CSMD1: variants seen among roughly 807,000 people sequenced by gnomAD.
The protein encoded by CSMD1 is CUB and sushi domain-containing protein 1.
A neutral mutation model predicts 417.5 loss-of-function variants in CSMD1; 213 were observed. That is an observed-to-expected ratio of 0.51 (90% CI 0.46 to 0.57). The LOEUF (loss-of-function observed/expected upper bound fraction) is 0.57, where lower values mean the gene tolerates loss of function less well. Among genes scored for constraint, CSMD1 ranks in the 20% least tolerant of loss-of-function variants. The pLI is 0.00. For synonymous variants in CSMD1, 2,862 were observed against 1,736.8 expected (o/e 1.65, Z -16.11); for missense variants, 6,923 against 4,529.7 (o/e 1.53, Z -15.17).
intron 25 of CSMD1, among the ~76,000 whole-genome samples, chr8:3,296,521 A>G (rs4355793): frequency 0.037 from 5,585 of 152,202 alleles, 348 homozygotes; most frequent in African/African-American, 0.12. Context: ...AGTCCTCACC[A>G]ACAATTTAAA....
intron 49 of CSMD1, among the ~76,000 whole-genome samples, chr8:3,067,421 A>T (rs931362498): frequency 2.0e-5 from 3 of 152,008 alleles, no homozygotes. Context: ...AAGTTGGAGG[A>T]GATTATATTG....
chr8:4,393,915 G>C (rs764874489), intron 3 of CSMD1, among the ~76,000 whole-genome samples: 3 of 152,218 alleles, frequency 2.0e-5, no homozygotes, highest in Middle Eastern at 6.8e-3. Context: ...TCTTAAATCC[G>C]TTAGCTAGAT....
intron 3 of CSMD1, among the ~76,000 whole-genome samples, chr8:4,347,637 G>A (rs954414030): frequency 2.6e-5 from 4 of 152,174 alleles, no homozygotes; most frequent in East Asian, 1.9e-4. Flanking sequence ...CAAAAGCAAT[G>A]AAAGGAGGAG....
At chr8:3,533,671 C>T (rs971242616) in intron 10 of CSMD1, among the ~76,000 whole-genome samples, 1 of 152,152 alleles carries the variant, frequency 6.6e-6, no homozygotes, top group Admixed American at 6.5e-5. Context: ...GAGCTTCACT[C>T]CACTAACACT....
chr8:4,626,690 T>G (rs767299259), intron 2 of CSMD1, among the ~76,000 whole-genome samples: 8 of 152,028 alleles, frequency 5.3e-5, no homozygotes, highest in Non-Finnish European at 1.2e-4. Context: ...CTCCACCTCT[T>G]GCAAAGACGT....
intron 12 of CSMD1, among the ~76,000 whole-genome samples, chr8:3,430,980 T>C (rs1202137141): frequency 2.0e-5 from 3 of 152,192 alleles, no homozygotes; most frequent in Non-Finnish European, 4.4e-5. Context: ...TCTCACTGCA[T>C]TGTCTGAGCC....
chr8:3,648,334 T>C (rs1797680421), intron 7 of CSMD1, among the ~76,000 whole-genome samples: 2 of 152,244 alleles, frequency 1.3e-5, no homozygotes, highest in African/African-American at 4.8e-5. Flanking sequence ...GTTGTTGCTA[T>C]ATTGAACAAT....
chr8:4,253,786 C>T (rs1207120360), intron 3 of CSMD1, among the ~76,000 whole-genome samples: 10 of 151,244 alleles, frequency 6.6e-5, no homozygotes, highest in Non-Finnish European at 1.5e-5. Context: ...GAAAATTTTG[C>T]CTGTATTTAT....
chr8:3,232,986 T>C (rs907353009), intron 26 of CSMD1, among the ~76,000 whole-genome samples: 1 of 152,204 alleles, frequency 6.6e-6, no homozygotes, highest in Non-Finnish European at 1.5e-5. Flanking sequence ...CATTTGTTTT[T>C]ATAAACCTCA....
rs961895467 is a variant in CSMD1, at chr8:3,818,642, T to C, written c.819-64600A>G. ...TCCCATGGGTCCCCACAGCAAGGGATGCCCGGCATCGTCTGATGACAGCAA... is the reference window on the plus strand; with the variant it reads ...TCCCATGGGTCCCCACAGCAAGGGACGCCCGGCATCGTCTGATGACAGCAA... On this transcript the variant is annotated intron_variant, in intron 5 of 69. Transcript: ENST00000635120. Among the ~76,000 whole-genome samples the C allele has an allele frequency of 2.8e-4, 42 of 152,238 alleles. 1 individual carries two copies. Among genetic ancestry groups the C allele is most frequent in the African/African-American group, 9.6e-4 (40 of 41,548 alleles).
At chr8:4,052,295 G>C (rs921199676) in intron 3 of CSMD1, among the ~76,000 whole-genome samples, 3 of 152,216 alleles carry the variant, frequency 2.0e-5, no homozygotes, top group Non-Finnish European at 4.4e-5. Flanking sequence ...AAAGATTAGA[G>C]AAGAACGCTG....
rs1050388712 is a variant in CSMD1 at position 4,698,549 on chromosome 8, C to G, written c.86-60991G>C. Among the ~76,000 whole-genome samples the G allele has an allele frequency of 3.3e-5, 5 of 150,770 alleles. No individual in the cohort carries two copies. In the South Asian group the frequency reaches 8.4e-4, roughly 25 times the overall value. ...CCTACAGGGAAGTTTATTTTTGAGA[C>G]AGGGACAGATTTAAAGATAACTGTT... On this transcript the variant is annotated intron_variant, in intron 1 of 69. Transcript: ENST00000635120.
intron 3 of CSMD1, among the ~76,000 whole-genome samples, chr8:4,344,341 T>G (rs1489312720): frequency 6.6e-6 from 1 of 152,056 alleles, no homozygotes; most frequent in East Asian, 1.9e-4. Flanking sequence ...CTTTACATCT[T>G]TCAGGTTTGG....
At chr8:4,694,353 A>C (rs200735534) in intron 1 of CSMD1, among the ~76,000 whole-genome samples, 1 of 151,462 alleles carries the variant, frequency 6.6e-6, no homozygotes. Context: ...TCTTTTTTTT[A>C]TTTTTTTTAT....
intron 2 of CSMD1, among the ~76,000 whole-genome samples, chr8:4,574,276 G>C (rs987023093): frequency 6.6e-6 from 1 of 152,178 alleles, no homozygotes; most frequent in Non-Finnish European, 1.5e-5. Context: ...GAATTTCCTG[G>C]TTTGTTGGAT....
chr8:4,522,045 G>C (rs1803481031), intron 2 of CSMD1, among the ~76,000 whole-genome samples: 1 of 152,138 alleles, frequency 6.6e-6, no homozygotes, highest in Non-Finnish European at 1.5e-5. Context: ...GATACGGTTT[G>C]GCTGTGTCCC....
intron 2 of CSMD1, among the ~76,000 whole-genome samples, chr8:4,600,577 C>T (rs1800527994): frequency 1.3e-5 from 2 of 152,142 alleles, no homozygotes. Flanking sequence ...GCTCTCCATC[C>T]TAAAGAAAAC....
intron 3 of CSMD1, among the ~76,000 whole-genome samples, chr8:4,218,448 T>A (rs1314238184): frequency 6.6e-6 from 1 of 152,212 alleles, no homozygotes; most frequent in African/African-American, 2.4e-5. Flanking sequence ...CTGCCATGCT[T>A]CATATTTTCC....
At chr8:3,811,190 C>G (rs574031531) in intron 5 of CSMD1, among the ~76,000 whole-genome samples, 30 of 151,932 alleles carry the variant, frequency 2.0e-4, no homozygotes, top group African/African-American at 7.3e-4. Flanking sequence ...TTTTTCTATT[C>G]GAATTATTTT....
Sources: gnomAD v4.1 joint callset for allele counts (sites outside exome capture counted in the v4.1 genomes callset) on GRCh38, gnomAD v4.1.1 for gene constraint, MANE v1.5 for transcripts, NCBI Gene and HGNC (gene_info 2026-07-23, HGNC 2026-07-21) for gene names.